Variants in UNC5C observed in about 807,000 individuals in gnomAD.
UNC5C encodes netrin receptor UNC5C.
UNC5C carries 47 observed loss-of-function variants against 99.8 expected under a neutral mutation model. The ratio of observed to expected loss-of-function variants is 0.47; its 90% CI spans 0.37 to 0.60. The LOEUF is 0.60. Ranked by LOEUF, UNC5C falls within the 20% of genes least tolerant of loss-of-function variation. The probability of loss-of-function intolerance (pLI) is 0.00; values close to 1 mark genes in which losing one functional copy is unlikely to be tolerated. For missense variants in UNC5C, 1,062 were observed against 1,165.9 expected, an observed-to-expected ratio of 0.91 and a Z score of 1.30; for synonymous variants, 487 against 452.2, an observed-to-expected ratio of 1.08 and a Z score of -0.98.
intron 1 of UNC5C, among the ~76,000 whole-genome samples, chr4:95,395,758 G>T (rs1056400679): frequency 1.3e-5 from 2 of 152,150 alleles, no homozygotes; most frequent in African/African-American, 4.8e-5. Context: ...GGCCAAAAAA[G>T]CTGTAGGGCA....
intron 1 of UNC5C, among the ~76,000 whole-genome samples, chr4:95,528,117 CTT>C (rs906006159): frequency 1.3e-5 from 2 of 152,142 alleles, no homozygotes; most frequent in African/African-American, 2.4e-5. Context: ...ATATATATCT[CTT>C]AACAATCTGT....
At chr4:95,173,800 A>C (rs1736223722) in intron 14 of UNC5C, among the ~76,000 whole-genome samples, 1 of 152,184 alleles carries the variant, frequency 6.6e-6, no homozygotes, top group South Asian at 2.1e-4. Flanking sequence ...TGATTGGAAT[A>C]GTTTCAGAAG....
At position 95,301,713 on chromosome 4, in the gene UNC5C, C is replaced by T. The variant is rs761805868; in HGVS notation, c.383G>A (p.Arg128His). Residue 128 changes from arginine (R) to histidine (H), a missense_variant, in exon 3 of 16, where the codon CGC becomes CAC. Arg to His is a conservative substitution (Grantham distance 29). This residue lies in a region of UNC5C where 249 missense variants were observed against 295.1 expected (regional missense o/e 0.84). Coordinates refer to ENST00000453304, the MANE Select transcript of UNC5C (RefSeq NM_003728.4). ...IVREVSIEIS[R>H]QQVEELFGPE... ...TCCAAAGAGTTCTTCCACTTGCTGG[C>T]GCGAAATCTCAATGCTCACTTCCCG... 5.0e-6 allele frequency: 8 copies of T among 1,612,990 alleles called. No homozygotes were observed. The African/African-American group carries it at 5.3e-5, about 11-fold the overall frequency.
At position 95,416,659 on chromosome 4, in the gene UNC5C, G is replaced by C. The variant is rs576532161; in HGVS notation, c.125-81028C>G. On this transcript the variant is annotated intron_variant, in intron 1 of 15. Coordinates refer to ENST00000453304, the MANE Select transcript of UNC5C (RefSeq NM_003728.4). ...ACATAAATATGCTTTTATCAGCATT[G>C]CAAAAATATGCTTTCACTTTCAAAA... is the stretch of plus-strand genomic sequence containing the variant. 1.3e-4 allele frequency among the ~76,000 whole-genome samples: 20 copies of C among 152,266 alleles called. No individual in the cohort carries two copies. In the East Asian group the frequency reaches 3.7e-3, roughly 28 times the overall value.
chr4:95,369,059 A>G (rs754411429), intron 1 of UNC5C, among the ~76,000 whole-genome samples: 8 of 151,828 alleles, frequency 5.3e-5, no homozygotes, highest in Non-Finnish European at 1.0e-4. Context: ...GAGTCTCACT[A>G]TGTTGATCAA....
At chr4:95,480,634 G>A (rs552308332) in intron 1 of UNC5C, among the ~76,000 whole-genome samples, 2 of 152,130 alleles carry the variant, frequency 1.3e-5, no homozygotes, top group South Asian at 2.1e-4. Flanking sequence ...TAAGAATCCA[G>A]CAGCACATCA....
intron 1 of UNC5C, among the ~76,000 whole-genome samples, chr4:95,438,449 CAT>C (rs5860404): frequency 0.88 from 134,339 of 151,940 alleles, 59,785 homozygotes; most frequent in Non-Finnish European, 0.93. Context: ...TTGAAAATAT[CAT>C]ATAAATAAAA....
chr4:95,162,751 G>A lies in UNC5C; in HGVS notation c.*6483C>T, dbSNP rs753105899. Reference sequence around the variant, plus strand: ...TCTGCCGGGGGGTTTTTTTAGAAAAGGAATTGCATAGAAGATACAGCAAGA... The same window carrying A: ...TCTGCCGGGGGGTTTTTTTAGAAAAAGAATTGCATAGAAGATACAGCAAGA... On this transcript the variant is annotated 3_prime_UTR_variant, in exon 16 of 16. Coordinates refer to ENST00000453304, the MANE Select transcript of UNC5C (RefSeq NM_003728.4). The A allele has an allele frequency of 6.6e-6, 1 of 152,068 alleles. No individual in the cohort carries two copies. Among genetic ancestry groups the A allele is most frequent in the Non-Finnish European group, 1.5e-5 (1 of 68,026 alleles). 9.4% of individuals were successfully genotyped at this position (152,068 alleles called of 1,614,324 possible).
At chr4:95,299,215 G>A (rs1385304924) in intron 3 of UNC5C, among the ~76,000 whole-genome samples, 1 of 152,060 alleles carries the variant, frequency 6.6e-6, no homozygotes, top group African/African-American at 2.4e-5. Flanking sequence ...AAGAAATTTG[G>A]ACACACAGAG....
intron 2 of UNC5C, among the ~76,000 whole-genome samples, chr4:95,312,567 G>A (rs532032779): frequency 2.0e-5 from 3 of 152,214 alleles, no homozygotes; most frequent in South Asian, 2.1e-4. Flanking sequence ...AATATGTAAA[G>A]AGCACAGATC....
At chr4:95,308,444 A>T (rs1742138052) in intron 2 of UNC5C, among the ~76,000 whole-genome samples, 1 of 152,066 alleles carries the variant, frequency 6.6e-6, no homozygotes, top group African/African-American at 2.4e-5. Flanking sequence ...GAAAGAAATA[A>T]ATTGAAGAAG....
At chr4:95,247,442 T>C (rs1739542434) in intron 5 of UNC5C, among the ~76,000 whole-genome samples, 1 of 152,160 alleles carries the variant, frequency 6.6e-6, no homozygotes, top group African/African-American at 2.4e-5. Flanking sequence ...TATAAACTGC[T>C]TACTAGCATA....
intron 3 of UNC5C, among the ~76,000 whole-genome samples, chr4:95,286,042 C>T (rs573032469): frequency 6.6e-6 from 1 of 152,208 alleles, no homozygotes; most frequent in Admixed American, 6.5e-5. Flanking sequence ...TATAATTTCA[C>T]AGGGTTATAT....
intron 1 of UNC5C, among the ~76,000 whole-genome samples, chr4:95,371,409 C>T (rs986592125): frequency 7.3e-5 from 8 of 109,748 alleles, no homozygotes; most frequent in African/African-American, 2.8e-4. Flanking sequence ...GAAATAAAAA[C>T]ACAGTATATT....
intron 4 of UNC5C, among the ~76,000 whole-genome samples, chr4:95,277,394 C>T (rs1400870578): frequency 1.3e-5 from 2 of 152,116 alleles, no homozygotes; most frequent in Admixed American, 6.5e-5. Context: ...TTGTAGGACA[C>T]GGGGTCAATT....
chr4:95,198,863 C>CTT (rs897759350), intron 12 of UNC5C, among the ~76,000 whole-genome samples: 2 of 152,092 alleles, frequency 1.3e-5, no homozygotes, highest in Non-Finnish European at 2.9e-5. Context: ...AAAGTTTGTT[C>CTT]TTAGTAGAAT....
At chr4:95,372,072 T>C (rs2149439064) in intron 1 of UNC5C, among the ~76,000 whole-genome samples, 1 of 152,268 alleles carries the variant, frequency 6.6e-6, no homozygotes, top group African/African-American at 2.4e-5. Context: ...ATCACATAAT[T>C]GTGTAAAACC....
intron 1 of UNC5C, among the ~76,000 whole-genome samples, chr4:95,448,950 A>G (rs1747201283): frequency 6.6e-6 from 1 of 152,102 alleles, no homozygotes. Flanking sequence ...AGACTCTTCT[A>G]ATGTCATGGG....
At chr4:95,491,120 A>G (rs538597257) in intron 1 of UNC5C, among the ~76,000 whole-genome samples, 3 of 151,750 alleles carry the variant, frequency 2.0e-5, no homozygotes, top group African/African-American at 7.2e-5. Flanking sequence ...AAATATTTGC[A>G]AACAAAACTT....
Sources: allele counts gnomAD v4.1 joint callset (sites outside exome capture counted in the v4.1 genomes callset), GRCh38; gene constraint gnomAD v4.1.1; regional missense constraint gnomAD v4.1.1; transcripts MANE v1.5; gene names NCBI Gene and HGNC (gene_info 2026-07-23, HGNC 2026-07-21).